C5: variants seen among roughly 807,000 people sequenced by gnomAD.
The protein encoded by C5 is C3 and PZP-like alpha-2-macroglobulin domain-containing protein 4.
In C5, 140 loss-of-function variants were observed where a neutral mutation model predicts 218.8. The observed-to-expected ratio is 0.64, with a 90% CI of 0.56 to 0.74. C5 has a LOEUF of 0.74. C5 is among the 30% of genes least tolerant of loss of function. The pLI, the probability that C5 is intolerant of heterozygous loss-of-function variation, is 0.00. For synonymous variants in C5, 614 were observed against 682.3 expected, an observed-to-expected ratio of 0.90 and a Z score of 1.56; for missense variants, 1,700 against 1,969.6, an observed-to-expected ratio of 0.86 and a Z score of 2.59.
At chr9:121,010,945 G>A (rs766466761) in intron 17 of C5, among the ~76,000 whole-genome samples, 70 of 152,068 alleles carry the variant, frequency 4.6e-4, no homozygotes, top group Non-Finnish European at 9.7e-4. Context: ...AGAATGAAAC[G>A]TGACCCTTAT....
At chr9:121,019,516 T>C (rs953726149) in intron 12 of C5, among the ~76,000 whole-genome samples, 1 of 152,208 alleles carries the variant, frequency 6.6e-6, no homozygotes, top group Non-Finnish European at 1.5e-5. Flanking sequence ...CAAGATAGGA[T>C]TCAATTCTCA....
At chr9:121,018,806 AG>A (rs2047339015) in intron 12 of C5, among the ~76,000 whole-genome samples, 1 of 143,646 alleles carries the variant, frequency 7.0e-6, no homozygotes, top group Non-Finnish European at 1.6e-5. Context: ...AGGAAGAAAG[AG>A]TGAGTTAACG....
At chr9:120,967,734 T>C (rs577509378) in intron 33 of C5, among the ~76,000 whole-genome samples, 1 of 152,050 alleles carries the variant, frequency 6.6e-6, no homozygotes, top group Non-Finnish European at 1.5e-5. Flanking sequence ...TTTTTTTTTT[T>C]ATTTGGAGAC....
chr9:121,006,583 C>G (rs1281441248), intron 19 of C5, among the ~76,000 whole-genome samples: 1 of 152,064 alleles, frequency 6.6e-6, no homozygotes, highest in African/African-American at 2.4e-5. Flanking sequence ...GTGGCTCAAG[C>G]TGTAATCCCA....
chr9:120,959,707 C>A (rs950652105), intron 38 of C5, among the ~76,000 whole-genome samples: 1 of 152,240 alleles, frequency 6.6e-6, no homozygotes, highest in African/African-American at 2.4e-5. Flanking sequence ...AAGGCTACAA[C>A]TGTACTTGAA....
At chr9:121,056,795 A>G in the C5 span, among the ~76,000 whole-genome samples, 6 of 152,148 alleles carry the variant, frequency 3.9e-5, no homozygotes, top group Non-Finnish European at 7.4e-5. Context: ...GAGAGAGAGA[A>G]AAATTGGGAT....
intron 29 of C5, 62 bp downstream of exon 29, chr9:120,976,638 G>A: frequency 7.5e-7 from 1 of 1,328,428 alleles, no homozygotes; most frequent in Non-Finnish European, 1.1e-6. Context: ...GGCCAGATGA[G>A]TGTGGTGGGG....
At chr9:121,055,907 T>C in the C5 span, among the ~76,000 whole-genome samples, 1 of 152,158 alleles carries the variant, frequency 6.6e-6, no homozygotes, top group African/African-American at 2.4e-5. Flanking sequence ...GCCTTCTGAT[T>C]TGGGAAAGAG....
At chr9:120,956,184 C>T (rs2046783267) in intron 39 of C5, among the ~76,000 whole-genome samples, 1 of 152,034 alleles carries the variant, frequency 6.6e-6, no homozygotes, top group African/African-American at 2.4e-5. Context: ...ATCCCAGCTA[C>T]TCAGGAGGCT....
At chr9:121,066,727 G>A in the C5 span, among the ~76,000 whole-genome samples, 419 of 151,716 alleles carry the variant, frequency 2.8e-3, no homozygotes, top group Middle Eastern at 0.01. Context: ...GTGCGTGCCT[G>A]TAATCCCAGC....
chr9:120,983,239 T>C (rs2047008099), intron 25 of C5, among the ~76,000 whole-genome samples: 2 of 152,312 alleles, frequency 1.3e-5, no homozygotes, highest in South Asian at 4.1e-4. Flanking sequence ...CAAGTCCCCT[T>C]TCCCAATGTC....
intron 20 of C5, among the ~76,000 whole-genome samples, chr9:121,002,557 C>A (rs1218035979): frequency 2.6e-5 from 4 of 151,596 alleles, no homozygotes; most frequent in East Asian, 1.9e-4. Flanking sequence ...CCTTTGGTAG[C>A]CAAGATCAGT....
intron 17 of C5, among the ~76,000 whole-genome samples, chr9:121,008,881 G>A (rs565677028): frequency 3.9e-5 from 6 of 152,122 alleles, no homozygotes; most frequent in African/African-American, 1.4e-4. Context: ...AGTGAGCCGA[G>A]ATTGCACCAC....
chr9:121,074,824 G>A, the C5 span: 1 of 456,096 alleles, frequency 2.2e-6, no homozygotes, highest in Non-Finnish European at 4.4e-6. Context: ...TCGCGCCCAA[G>A]ACTCCCCGGC....
chr9:121,033,649 T>C (rs1445209079), intron 5 of C5, among the ~76,000 whole-genome samples: 2 of 152,268 alleles, frequency 1.3e-5, no homozygotes, highest in African/African-American at 4.8e-5. Flanking sequence ...ATGGAACATG[T>C]AGTATTTTCA....
At chr9:121,048,715 T>C (rs536573186) in intron 1 of C5, among the ~76,000 whole-genome samples, 1 of 151,308 alleles carries the variant, frequency 6.6e-6, no homozygotes. Context: ...TCTATCCATA[T>C]AAATAATTTC....
At chr9:120,996,763 G>A (rs941635321) in intron 21 of C5, among the ~76,000 whole-genome samples, 2 of 152,174 alleles carry the variant, frequency 1.3e-5, no homozygotes, top group African/African-American at 2.4e-5. Flanking sequence ...CACAAAATAA[G>A]TCGGTACATG....
upstream of C5, chr9:121,050,292 G>A: frequency 7.0e-7 from 1 of 1,428,192 alleles, no homozygotes; most frequent in Non-Finnish European, 9.9e-7. Context: ...TTTGAGGATA[G>A]TCTCCTTTTA....
chr9:121,031,242 G>T (rs2047471565), intron 6 of C5, among the ~76,000 whole-genome samples: 1 of 124,780 alleles, frequency 8.0e-6, no homozygotes, highest in African/African-American at 2.5e-5. Flanking sequence ...AGAAATGAAA[G>T]ATTAAACTAT....
Sources: allele counts gnomAD v4.1 joint callset (sites outside exome capture counted in the v4.1 genomes callset), GRCh38; gene constraint gnomAD v4.1.1; transcripts MANE v1.5; gene names NCBI Gene and HGNC (gene_info 2026-07-23, HGNC 2026-07-21).